MYT1L: variants seen among roughly 807,000 people sequenced by gnomAD.
MYT1L encodes the protein myelin transcription factor 1-like protein.
Under a neutral mutation model 126.7 loss-of-function variants are expected in MYT1L, and 12 were observed. That is an observed-to-expected ratio of 0.09 (90% CI 0.06 to 0.15). MYT1L has a LOEUF of 0.15. MYT1L is among the 10% of genes least tolerant of loss of function. MYT1L has a pLI of 1.00. For synonymous variants in MYT1L, 541 were observed against 604.2 expected, an observed-to-expected ratio of 0.90 and a Z score of 1.53; for missense variants, 979 against 1,585.2, an observed-to-expected ratio of 0.62 and a Z score of 6.49.
intron 21 of MYT1L, among the ~76,000 whole-genome samples, chr2:1,834,097 G>A (rs2040522980): frequency 6.6e-6 from 1 of 152,258 alleles, no homozygotes; most frequent in Non-Finnish European, 1.5e-5. Context: ...TGGCTAGATT[G>A]TCACAGTTTG....
At chr2:2,227,048 C>T (rs1255364454) in intron 2 of MYT1L, among the ~76,000 whole-genome samples, 1 of 152,072 alleles carries the variant, frequency 6.6e-6, no homozygotes, top group African/African-American at 2.4e-5. Context: ...GCAGATCCTT[C>T]ATTTCTCCTT....
At chr2:2,099,660 G>A (rs934537926) in intron 3 of MYT1L, among the ~76,000 whole-genome samples, 2 of 152,112 alleles carry the variant, frequency 1.3e-5, no homozygotes, top group African/African-American at 4.8e-5. Flanking sequence ...TTAAGCTCTG[G>A]TTAAAATGTC....
At chr2:2,136,035 T>C (rs1281130635) in intron 3 of MYT1L, among the ~76,000 whole-genome samples, 1 of 152,194 alleles carries the variant, frequency 6.6e-6, no homozygotes, top group Non-Finnish European at 1.5e-5. Flanking sequence ...CATGGAATAC[T>C]ATGCAGCCAT....
chr2:2,031,865 G>A (rs1185920035), intron 4 of MYT1L, among the ~76,000 whole-genome samples: 1 of 129,142 alleles, frequency 7.7e-6, no homozygotes, highest in Admixed American at 7.8e-5. Flanking sequence ...CTCATCCTGT[G>A]ACCGAGAGCA....
At chr2:2,295,783 G>GAC (rs1470519257) in intron 1 of MYT1L, among the ~76,000 whole-genome samples, 3 of 126,720 alleles carry the variant, frequency 2.4e-5, no homozygotes, top group African/African-American at 9.0e-5. Context: ...GAGAGATAGA[G>GAC]AGACAGACAG....
rs1254007300 is a variant in MYT1L at position 1,979,148 on chromosome 2, A to G, written c.152+17T>C. On this transcript the variant is annotated intron_variant, in intron 8 of 24. Transcript: ENST00000647738. This position sits in a 1 kb window ranked among gnomAD's most constrained non-coding sequence, Gnocchi z 4.0. The stretch of plus-strand genomic sequence containing the variant: ...ACTTTAGACAGCACATTGTGGAAAA[A>G]AAAATGCAGGCATTACCTTCTGTGT... The G allele has an allele frequency of 5.0e-6, 8 of 1,609,054 alleles. No individual in the cohort carries two copies. Among genetic ancestry groups the G allele is most frequent in the Non-Finnish European group, 6.8e-6 (8 of 1,177,044 alleles).
intron 3 of MYT1L, among the ~76,000 whole-genome samples, chr2:2,074,581 C>A (rs1249907599): frequency 6.6e-6 from 1 of 152,118 alleles, no homozygotes; most frequent in Non-Finnish European, 1.5e-5. Context: ...GAAATTCACA[C>A]CCAACGGGAT....
chr2:1,908,932 A>G (rs2051495421), intron 13 of MYT1L, among the ~76,000 whole-genome samples: 1 of 152,102 alleles, frequency 6.6e-6, no homozygotes, highest in African/African-American at 2.4e-5. Flanking sequence ...TTGTTTTCTT[A>G]TTTTTGCTTA....
intron 4 of MYT1L, among the ~76,000 whole-genome samples, chr2:2,019,288 T>A (rs1033258528): frequency 4.6e-5 from 7 of 152,176 alleles, no homozygotes; most frequent in Non-Finnish European, 1.0e-4. Context: ...GGAATTCCCC[T>A]GCACACACTC....
intron 23 of MYT1L, chr2:1,795,826 T>A (rs1043734152): frequency 3.2e-4 from 48 of 152,238 alleles, no homozygotes; most frequent in African/African-American, 1.1e-3. Flanking sequence ...AGAAAGTTCC[T>A]GCATCAGCAG....
At chr2:1,971,039 A>G (rs1377892586) in intron 8 of MYT1L, among the ~76,000 whole-genome samples, 1 of 152,050 alleles carries the variant, frequency 6.6e-6, no homozygotes, top group Non-Finnish European at 1.5e-5. Flanking sequence ...TCCTTTTACC[A>G]AATGTCAAAA....
chr2:2,174,108 A>T (rs2090431965), intron 2 of MYT1L, among the ~76,000 whole-genome samples: 1 of 152,250 alleles, frequency 6.6e-6, no homozygotes, highest in Non-Finnish European at 1.5e-5. Context: ...GAGAGGTTTT[A>T]AAATTACCCT....
chr2:2,305,526 C>A (rs1209255986), intron 1 of MYT1L, among the ~76,000 whole-genome samples: 1 of 152,174 alleles, frequency 6.6e-6, no homozygotes, highest in Non-Finnish European at 1.5e-5. Flanking sequence ...TGAGACTGCC[C>A]TGCTACTAAG....
chr2:2,094,543 C>A (rs899856854), intron 3 of MYT1L, among the ~76,000 whole-genome samples: 4 of 152,126 alleles, frequency 2.6e-5, no homozygotes, highest in South Asian at 4.1e-4. Context: ...CAATGATAGA[C>A]TGGATTAAGA....
chr2:1,860,870 C>G lies in MYT1L; in HGVS notation c.2712-9167G>C, dbSNP rs551117612. On this transcript the variant is annotated intron_variant, in intron 18 of 24. Transcript: ENST00000647738. ...CGGTTCTTTGCAAGGGCTACTGCCT[C>G]GACAGCACCAATTTTCCAACACCAA... is the stretch of plus-strand genomic sequence containing the variant. 2.0e-5 allele frequency among the ~76,000 whole-genome samples: 3 copies of G among 152,150 alleles called. No individual in the cohort carries two copies. The South Asian group carries it at 6.2e-4, about 32-fold the overall frequency.
At chr2:2,250,453 A>G (rs886322238) in intron 2 of MYT1L, among the ~76,000 whole-genome samples, 1 of 152,172 alleles carries the variant, frequency 6.6e-6, no homozygotes, top group Non-Finnish European at 1.5e-5. Flanking sequence ...GTCAGATCTA[A>G]GAATCAAAAC....
At chr2:1,817,262 G>A (rs569110957) in intron 21 of MYT1L, among the ~76,000 whole-genome samples, 5 of 152,268 alleles carry the variant, frequency 3.3e-5, no homozygotes, top group South Asian at 2.1e-4. Context: ...CCAGAGGACC[G>A]ACGGCTCCAG....
intron 2 of MYT1L, among the ~76,000 whole-genome samples, chr2:2,222,416 TGGGA>T (rs5828865): frequency 0.73 from 110,397 of 151,454 alleles, 40,518 homozygotes; most frequent in East Asian, 0.78. Context: ...CACTTGAACC[TGGGA>T]GGGAGGCAGA....
chr2:2,076,479 T>C (rs1352930569), intron 3 of MYT1L, among the ~76,000 whole-genome samples: 1 of 152,068 alleles, frequency 6.6e-6, no homozygotes, highest in Non-Finnish European at 1.5e-5. Flanking sequence ...CCAGGCATAA[T>C]ACCTACAAAG....
Sources: gnomAD v4.1 joint callset for allele counts (sites outside exome capture counted in the v4.1 genomes callset) on GRCh38, gnomAD v4.1.1 for gene constraint, Gnocchi (gnomAD v3.1) non-coding constraint, MANE v1.5 for transcripts, NCBI Gene and HGNC (gene_info 2026-07-23, HGNC 2026-07-21) for gene names.